The following L1CAM variants were observed in gnomAD, a reference collection of about 807,000 sequenced individuals.
L1CAM encodes the protein L1 cell adhesion molecule.
In L1CAM, 8 loss-of-function variants were observed where a neutral mutation model predicts 93.0. The observed-to-expected ratio is 0.09, with a 90% CI of 0.05 to 0.16. L1CAM has a LOEUF of 0.16. L1CAM is among the 10% of genes least tolerant of loss of function. L1CAM has a pLI of 1.00. For synonymous variants in L1CAM, 453 were observed against 453.0 expected (o/e 1.00, Z 0.00); for missense variants, 777 against 1,073.4 (o/e 0.72, Z 3.86).
rs59055185 is a variant in L1CAM at position 153,869,990 on chromosome X, C to T, written c.992-56G>A. On this transcript the variant is annotated intron_variant, in intron 9 of 28. Coordinates refer to ENST00000370060, the MANE Select transcript of L1CAM (RefSeq NM_001278116.2). ...CGCAGCCAGCAGCTGGCTCTTGACC[C>T]GGCGCAGACCCTCCCCTCCCCCATG... is the stretch of plus-strand genomic sequence containing the variant. The T allele has an allele frequency of 1.8e-4, 214 of 1,207,567 alleles. 1 individual carries two copies. The South Asian group carries it at 3.1e-3, about 17-fold the overall frequency.
intron 1 of L1CAM, among the ~76,000 whole-genome samples, chrX:153,882,326 C>G (rs1354785055): frequency 1.8e-5 from 2 of 110,925 alleles, no homozygotes; most frequent in Non-Finnish European, 3.8e-5. Flanking sequence ...CTGGGTTGGC[C>G]AGAGGCTCTG....
chrX:153,876,405 T>C (rs1319996368), intron 1 of L1CAM: 1 of 159,410 alleles, frequency 6.3e-6, no homozygotes, highest in Non-Finnish European at 1.2e-5. Flanking sequence ...AGTGGGTGTG[T>C]TAGTGTGTGT....
At position 153,864,990 on chromosome X, in the gene L1CAM, A is replaced by C. The variant is rs781875773; in HGVS notation, c.2877T>G (p.Asp959Glu). 18 of 1,210,967 alleles carry C rather than the reference A, an allele frequency of 1.5e-5. No homozygotes were observed. The Admixed American group carries it at 3.9e-4, about 26-fold the overall frequency. Residue 959 changes from aspartate (D) to glutamate (E), a missense_variant, in exon 23 of 29, where the codon GAT becomes GAG. Coordinates refer to ENST00000370060, the MANE Select transcript of L1CAM (RefSeq NM_001278116.2). ...AGGACAGTTGCCCCTTGCCCCCCTCATCCACTGTGGGGACAGACAGGGGTT... is the reference window on the plus strand; with the variant it reads ...AGGACAGTTGCCCCTTGCCCCCCTCCTCCACTGTGGGGACAGACAGGGGTT... Reference protein sequence around the residue: ...TGYVLSYHPLDEGGKGQLSFN... With the variant: ...TGYVLSYHPLEEGGKGQLSFN...
chrX:153,869,471 C>T (rs1557092222), intron 11 of L1CAM, 49 bp downstream of exon 11: 1 of 1,197,095 alleles, frequency 8.4e-7, no homozygotes, highest in Non-Finnish European at 1.1e-6. Context: ...GCCCAGTGGG[C>T]TGCAGGGACA....
Position 153,877,330 on chromosome X carries a change from C to T in L1CAM, c.-108-1386G>A, listed in dbSNP as rs1281033628. 7.3e-5 allele frequency among the ~76,000 whole-genome samples: 7 copies of T among 95,442 alleles called. No individual in the cohort carries two copies. The East Asian group carries it at 2.5e-3, about 34-fold the overall frequency. The allele number at this position is 95,442 out of a possible 115,157, so 82.9% of individuals were successfully genotyped here. A position where few individuals can be genotyped will look rare whatever the true frequency, so the allele number is the denominator to read the frequency against. ...AAAAAAAAAAAGCCAGGCGTGGTGG[C>T]TCATGCCTGTAATCCCAGCTACTCA... On this transcript the variant is annotated intron_variant, in intron 1 of 28. Coordinates refer to ENST00000370060, the MANE Select transcript of L1CAM (RefSeq NM_001278116.2).
intron 1 of L1CAM, among the ~76,000 whole-genome samples, chrX:153,883,013 C>A (rs1557096019): frequency 8.9e-6 from 1 of 112,217 alleles, no homozygotes; most frequent in Non-Finnish European, 1.9e-5. Context: ...CGGGCTACCT[C>A]CCCCAGTGCT....
At chrX:153,871,450 C>T (rs1239191532) in intron 5 of L1CAM, among the ~76,000 whole-genome samples, 2 of 110,167 alleles carry the variant, frequency 1.8e-5, no homozygotes, top group Non-Finnish European at 3.8e-5. Context: ...CTCTCCCTGC[C>T]CACCCTAGGA....
chrX:153,872,784 G>A, intron 3 of L1CAM, 87 bp from the exon 4 acceptor site: 1 of 795,341 alleles, frequency 1.3e-6, no homozygotes, highest in Non-Finnish European at 1.9e-6. Flanking sequence ...GAGGGAAGCA[G>A]GGTCCAGAGC....
At chrX:153,864,755 A>G in intron 23 of L1CAM, 51 bp from the exon 24 acceptor site, 2 of 1,211,609 alleles carry the variant, frequency 1.7e-6, no homozygotes, top group African/African-American at 3.5e-5. Context: ...CAGGAAGTCT[A>G]AGGCCCTCCC....
Position 153,868,619 on chromosome X carries a change from G to C in L1CAM, c.1488C>G (p.Phe496Leu), listed in dbSNP as rs1557091905. ...DLQANDTGRY[F>L]CLAANDQNNV... ...TGTTTTGGTCATTGGCAGCCAGGCA[G>C]AAGTAGCGTCCGGTGTCATTGGCCT... Residue 496 changes from phenylalanine (F) to leucine (L), a missense_variant, in exon 13 of 29, where the codon TTC becomes TTG. Coordinates refer to ENST00000370060, the MANE Select transcript of L1CAM (RefSeq NM_001278116.2). The C allele has an allele frequency of 2.5e-6, 3 of 1,210,702 alleles. No homozygotes were observed. In the African/African-American group the frequency reaches 5.2e-5, roughly 21 times the overall value.
rs2071643 is a variant in L1CAM, at chrX:153,866,806, C to T, written c.2274G>A (p.Gly758=). The T allele has an allele frequency of 7.3e-4, 879 of 1,209,656 alleles. 15 individuals carry two copies. In the East Asian group the frequency reaches 0.025, roughly 35 times the overall value. Residue 758 remains glycine (G), a synonymous_variant, in exon 19 of 29, where the codon GGG becomes GGA. Transcript: ENST00000370060. The stretch of plus-strand genomic sequence containing the variant: ...TCTGCTCCTGCCAGGGCCCTCGTGT[C>T]CCCTGAGGGCGCCACTGCACGCGGT... ...VQYRVQWRPQ[G]TRGPWQEQIV... is the part of the protein sequence containing the mutation.
rs1557096853 is a variant in L1CAM, at chrX:153,885,824, C to G, written c.-109+241G>C. 14 of 694,433 alleles carry G rather than the reference C, an allele frequency of 2.0e-5. No homozygotes were observed. The South Asian group carries it at 3.7e-4, about 18-fold the overall frequency. 57.2% of individuals were successfully genotyped at this position (694,433 alleles called of 1,213,427 possible). Reference sequence around the variant, plus strand: ...CCCGCCCAGGCCAGCATCTGGGGCCCCGCAGGTTACCCCTCACCTGTCGGG... The same window carrying G: ...CCCGCCCAGGCCAGCATCTGGGGCCGCGCAGGTTACCCCTCACCTGTCGGG... On this transcript the variant is annotated intron_variant, in intron 1 of 28. Coordinates refer to ENST00000370060, the MANE Select transcript of L1CAM (RefSeq NM_001278116.2).
intron 1 of L1CAM, chrX:153,880,243 A>AAC (rs1237842475): frequency 4.0e-5 from 5 of 123,887 alleles, no homozygotes; most frequent in Admixed American, 3.4e-4. Flanking sequence ...CCTCCCTGAA[A>AAC]ACACACACAC....
At position 153,868,903 on chromosome X, in the gene L1CAM, G is replaced by A. The variant is rs782238719; in HGVS notation, c.1317C>T (p.Val439=). The A allele has an allele frequency of 3.3e-6, 4 of 1,210,366 alleles. No homozygotes were observed. Among genetic ancestry groups the A allele is most frequent in the African/African-American group, 1.7e-5 (1 of 57,366 alleles). The change falls in exon 12 of 29, where the codon GTC becomes GTT. Residue 439 remains valine (V), a synonymous_variant. Transcript: ENST00000370060. ...ACAGAAGGTAGGCAGTGCTGCCCTG[G>A]ACAGCCATGTACGTCTGATTGTCCG... ...LTADNQTYMA[V]QGSTAYLLCK...
chrX:153,864,041 C>G (rs372842739), intron 25 of L1CAM, 24 bp from the exon 26 acceptor site: 2 of 1,210,672 alleles, frequency 1.7e-6, no homozygotes, highest in Non-Finnish European at 1.1e-6. Context: ...ACCAGCCCCC[C>G]GTGCTGCCGC....
chrX:153,864,136 A>G (rs1214593732), intron 25 of L1CAM, 119 bp from the exon 26 acceptor site: 4 of 1,081,114 alleles, frequency 3.7e-6, no homozygotes, highest in Non-Finnish European at 5.1e-6. Context: ...AGGGACAGGG[A>G]AAAGGGCATC....
At chrX:153,885,713 C>G (rs1302589037) in intron 1 of L1CAM, 13 of 402,510 alleles carry the variant, frequency 3.2e-5, no homozygotes, top group Non-Finnish European at 4.7e-5. Flanking sequence ...CTTCCTTTCT[C>G]AGACACGCAC....
At chrX:153,880,444 G>A (rs2148504948) in intron 1 of L1CAM, 1 of 235,889 alleles carries the variant, frequency 4.2e-6, no homozygotes, top group East Asian at 1.5e-4. Flanking sequence ...GTCTCCTGGG[G>A]ACATGGTGCC....
chrX:153,879,744 G>A (rs1404997927), intron 1 of L1CAM, among the ~76,000 whole-genome samples: 1 of 105,716 alleles, frequency 9.5e-6, no homozygotes, highest in Non-Finnish European at 1.9e-5. Context: ...CCATGCCAGG[G>A]AACAGGTGGG....
Sources: allele counts gnomAD v4.1 joint callset (sites outside exome capture counted in the v4.1 genomes callset), GRCh38; gene constraint gnomAD v4.1.1; transcripts MANE v1.5; gene names NCBI Gene and HGNC (gene_info 2026-07-23, HGNC 2026-07-21).